The following PCMTD1 variants were observed in gnomAD, a reference collection of about 807,000 sequenced individuals.
PCMTD1 encodes the protein protein-L-isoaspartate O-methyltransferase domain-containing protein 1.
In PCMTD1, 12 loss-of-function variants were observed where a neutral mutation model predicts 37.6. The ratio of observed to expected loss-of-function variants is 0.32; its 90% CI spans 0.20 to 0.52. The LOEUF is 0.52. Ranked by LOEUF, PCMTD1 falls within the 20% of genes least tolerant of loss-of-function variation. PCMTD1 has a pLI of 0.97. For missense variants in PCMTD1, 235 were observed against 421.3 expected (o/e 0.56, Z 3.87); for synonymous variants, 117 against 135.8 (o/e 0.86, Z 0.96).
intron 1 of PCMTD1, among the ~76,000 whole-genome samples, chr8:51,875,766 C>CA (rs1283684356): frequency 6.6e-6 from 1 of 151,796 alleles, no homozygotes; most frequent in Non-Finnish European, 1.5e-5. Flanking sequence ...CTCATCTTTA[C>CA]AAAAAAAATT....
chr8:51,820,819 T>G, intron 5 of PCMTD1, 101 bp from the exon 6 acceptor site: 1 of 1,288,080 alleles, frequency 7.8e-7, no homozygotes, highest in Non-Finnish European at 1.0e-6. Flanking sequence ...TAGCATATTT[T>G]AGAAAATACA....
intron 5 of PCMTD1, among the ~76,000 whole-genome samples, chr8:51,824,680 G>C (rs571190627): frequency 6.6e-6 from 1 of 152,242 alleles, no homozygotes; most frequent in African/African-American, 2.4e-5. Context: ...TTTCTTCAGA[G>C]AACTGGAAAA....
intron 1 of PCMTD1, among the ~76,000 whole-genome samples, chr8:51,873,006 C>T (rs557663941): frequency 6.6e-6 from 1 of 152,306 alleles, no homozygotes; most frequent in Admixed American, 6.5e-5. Flanking sequence ...AAGACATACA[C>T]AGGTTAACTA....
intron 1 of PCMTD1, among the ~76,000 whole-genome samples, chr8:51,895,324 AAACTG>A (rs1440162996): frequency 2.0e-5 from 3 of 152,254 alleles, no homozygotes; most frequent in African/African-American, 7.2e-5. Context: ...TTTAGATTAT[AAACTG>A]AACTGACTTC....
At chr8:51,871,965 C>T (rs920991959) in intron 1 of PCMTD1, among the ~76,000 whole-genome samples, 1 of 152,162 alleles carries the variant, frequency 6.6e-6, no homozygotes, top group Non-Finnish European at 1.5e-5. Context: ...TGCCTATATT[C>T]ACAGATGTAG....
intron 1 of PCMTD1, among the ~76,000 whole-genome samples, chr8:51,863,650 G>A (rs956113697): frequency 2.0e-5 from 3 of 152,106 alleles, no homozygotes; most frequent in Non-Finnish European, 4.4e-5. Context: ...AGCCAGATGC[G>A]GTGGCTCACG....
At chr8:51,886,598 C>T (rs983255480) in intron 1 of PCMTD1, among the ~76,000 whole-genome samples, 1 of 152,160 alleles carries the variant, frequency 6.6e-6, no homozygotes, top group Non-Finnish European at 1.5e-5. Flanking sequence ...GAAATCTCAC[C>T]TGGCAGGACT....
chr8:51,848,200 T>C (rs1339037269), intron 2 of PCMTD1, among the ~76,000 whole-genome samples: 1 of 151,882 alleles, frequency 6.6e-6, no homozygotes, highest in Non-Finnish European at 1.5e-5. Flanking sequence ...AAAAGGTTAA[T>C]ATTGCTGGCA....
At position 51,825,536 on chromosome 8, in the gene PCMTD1, T is replaced by C. The variant is rs1156268455; in HGVS notation, c.707-4818A>G. Among the ~76,000 whole-genome samples, 36 of 54,478 alleles carry C rather than the reference T, an allele frequency of 6.6e-4. 2 individuals carry two copies. The highest frequency in any genetic ancestry group is 1.1e-3 in the African/African-American group (36 of 33,538). 35.7% of individuals were successfully genotyped at this position (54,478 alleles called of 152,430 possible). ...GGTGAAACCCCGTCTCTACTAAAAATACAAAAAATTAGCCGGGCGCGGTGG... is the reference window on the plus strand; with the variant it reads ...GGTGAAACCCCGTCTCTACTAAAAACACAAAAAATTAGCCGGGCGCGGTGG... On this transcript the variant is annotated intron_variant, in intron 5 of 5. Transcript: ENST00000522514.
At chr8:51,877,725 T>C (rs972873004) in intron 1 of PCMTD1, among the ~76,000 whole-genome samples, 3 of 152,210 alleles carry the variant, frequency 2.0e-5, no homozygotes, top group Non-Finnish European at 4.4e-5. Context: ...TCAGTGATAT[T>C]ATTCCTGGAC....
intron 2 of PCMTD1, among the ~76,000 whole-genome samples, chr8:51,851,149 G>T (rs2038300580): frequency 6.6e-6 from 1 of 152,152 alleles, no homozygotes; most frequent in Admixed American, 6.5e-5. Context: ...CCTGAGTCTT[G>T]CCATGTTAGC....
intron 2 of PCMTD1, among the ~76,000 whole-genome samples, chr8:51,846,818 C>T (rs184940615): frequency 2.3e-4 from 35 of 152,192 alleles, no homozygotes; most frequent in African/African-American, 7.9e-4. Context: ...TAGGAAATAT[C>T]CAAACTATAA....
chr8:51,828,315 G>A (rs2037950183), intron 5 of PCMTD1, among the ~76,000 whole-genome samples: 1 of 152,102 alleles, frequency 6.6e-6, no homozygotes, highest in Admixed American at 6.6e-5. Context: ...TAATTCTAGT[G>A]TTTGAAAACT....
chr8:51,886,468 C>T (rs1180994333), intron 1 of PCMTD1, among the ~76,000 whole-genome samples: 2 of 152,102 alleles, frequency 1.3e-5, no homozygotes, highest in Non-Finnish European at 2.9e-5. Flanking sequence ...GTAGTTATCC[C>T]AATTTCAATG....
chr8:51,845,587 AGT>A (rs2129280850), intron 3 of PCMTD1, 72 bp downstream of exon 3: 2 of 1,012,774 alleles, frequency 2.0e-6, no homozygotes, highest in South Asian at 2.7e-5. Context: ...GATCAATAAT[AGT>A]GTTCAAGAAT....
At chr8:51,872,050 G>A (rs142023862) in intron 1 of PCMTD1, among the ~76,000 whole-genome samples, 86 of 152,296 alleles carry the variant, frequency 5.6e-4, no homozygotes, top group Admixed American at 1.2e-3. Flanking sequence ...CCAAGATAGA[G>A]AAACAGTAGA....
At chr8:51,890,986 A>G (rs2129295275) in intron 1 of PCMTD1, among the ~76,000 whole-genome samples, 1 of 152,294 alleles carries the variant, frequency 6.6e-6, no homozygotes, top group African/African-American at 2.4e-5. Context: ...AAACCATACG[A>G]GCCTCAGGTG....
chr8:51,850,996 G>A (rs1160105473), intron 2 of PCMTD1, among the ~76,000 whole-genome samples: 5 of 152,104 alleles, frequency 3.3e-5, no homozygotes, highest in Admixed American at 6.5e-5. Flanking sequence ...GAAAGCAATC[G>A]GCGAAAGGCT....
rs1468899724 is a variant in PCMTD1 at position 51,845,609 on chromosome 8, G to T, written c.410+52C>A. On this transcript the variant is annotated intron_variant, in intron 3 of 5. Coordinates refer to ENST00000522514, the MANE Select transcript of PCMTD1 (RefSeq NM_052937.4). ...AATAGTGTTCAAGAATAGACATGTT[G>T]CATGTATCTATTAAGTGATTTTAAA... 1.8e-5 allele frequency: 22 copies of T among 1,227,262 alleles called. No individual in the cohort carries two copies. In the South Asian group the frequency reaches 2.2e-4, roughly 12 times the overall value. 76.0% of individuals were successfully genotyped at this position (1,227,262 alleles called of 1,614,324 possible). A position where few individuals can be genotyped will look rare whatever the true frequency, so the allele number is the denominator to read the frequency against.
Sources: gnomAD v4.1 joint callset for allele counts (sites outside exome capture counted in the v4.1 genomes callset) on GRCh38, gnomAD v4.1.1 for gene constraint, MANE v1.5 for transcripts, NCBI Gene and HGNC (gene_info 2026-07-23, HGNC 2026-07-21) for gene names.